TASOR: variants seen among roughly 807,000 people sequenced by gnomAD.
TASOR encodes the protein protein TASOR.
Under a neutral mutation model 178.6 loss-of-function variants are expected in TASOR, and 53 were observed. The ratio of observed to expected loss-of-function variants is 0.30; its 90% CI spans 0.24 to 0.37. The LOEUF is 0.37. Among genes scored for constraint, TASOR ranks in the 10% least tolerant of loss-of-function variants. The pLI, the probability that TASOR is intolerant of heterozygous loss-of-function variation, is 1.00. For missense variants in TASOR, 1,815 were observed against 1,971.4 expected, an observed-to-expected ratio of 0.92 and a Z score of 1.50; for synonymous variants, 713 against 696.2, an observed-to-expected ratio of 1.02 and a Z score of -0.38.
chr3:56,644,907 A>G (rs2077204195), intron 14 of TASOR, among the ~76,000 whole-genome samples: 1 of 152,244 alleles, frequency 6.6e-6, no homozygotes, highest in Non-Finnish European at 1.5e-5. Flanking sequence ...TTTTAATTTC[A>G]TTTTAATTCA....
intron 9 of TASOR, 127 bp downstream of exon 9, chr3:56,662,257 AC>A: frequency 1.6e-6 from 1 of 630,012 alleles, no homozygotes; most frequent in Non-Finnish European, 2.8e-6. Context: ...CATTTAAAAA[AC>A]AAACCAACAT....
chr3:56,677,493 T>C (rs970276164), intron 1 of TASOR, among the ~76,000 whole-genome samples: 3 of 152,194 alleles, frequency 2.0e-5, no homozygotes, highest in African/African-American at 7.2e-5. Flanking sequence ...CTGAGACAAG[T>C]AGCCTTTTGA....
In TASOR at chr3:56,642,350, G is replaced by A. The variant is rs540968527; in HGVS notation, c.2216-598C>T. ...CAAAAAGTATTATAAGAGGAAACAC[G>A]TTAAGACATGGTTTCATGCATGCAC... On this transcript the variant is annotated intron_variant, in intron 14 of 23. Transcript: ENST00000683822. Among the ~76,000 whole-genome samples the A allele has an allele frequency of 1.5e-4, 23 of 152,268 alleles. 2 individuals carry two copies. The South Asian group carries it at 4.6e-3, about 30-fold the overall frequency.
intron 1 of TASOR, among the ~76,000 whole-genome samples, chr3:56,673,929 A>C (rs2031002773): frequency 6.6e-6 from 1 of 152,194 alleles, no homozygotes; most frequent in Non-Finnish European, 1.5e-5. Context: ...CAGTTCCTTC[A>C]ACAATGAGGA....
intron 1 of TASOR, among the ~76,000 whole-genome samples, chr3:56,675,309 T>C (rs1206987512): frequency 2.6e-5 from 4 of 152,038 alleles, no homozygotes; most frequent in Non-Finnish European, 5.9e-5. Flanking sequence ...TCCAACTAGC[T>C]GGGATTACAG....
In TASOR at chr3:56,633,698, C is replaced by G; in HGVS notation, c.3093G>C (p.Lys1031Asn). 2.5e-6 allele frequency: 4 copies of G among 1,614,154 alleles called. No individual in the cohort carries two copies. The highest frequency in any genetic ancestry group is 3.4e-6 in the Non-Finnish European group (4 of 1,180,032). ...TCTTTTGCTTCAAAATCTCTTCTAT[C>G]TTCCTAGAAAAGAGATTGTACTCTC... ...VLGEYNLFSR[K>N]IEEILKQKNV... Residue 1031 changes from lysine (K) to asparagine (N), a missense_variant, in exon 18 of 24, where the codon AAG becomes AAC. This residue lies in a region of TASOR where 655 missense variants were observed against 671.1 expected (regional missense o/e 0.98). Coordinates refer to ENST00000683822, the MANE Select transcript of TASOR (RefSeq NM_001365635.2).
At chr3:56,666,754 C>T (rs1038212479) in intron 6 of TASOR, among the ~76,000 whole-genome samples, 11 of 152,082 alleles carry the variant, frequency 7.2e-5, no homozygotes, top group African/African-American at 2.7e-4. Context: ...TCAACTAAAC[C>T]AAACTATGGT....
In TASOR at chr3:56,623,377, C is replaced by G; in HGVS notation, c.4673G>C (p.Ser1558Thr). ...AAGGTAAGTCTTATCTTCTAATAAA[C>G]TGTTTTGCACATCAGGAGACGATTG... is the stretch of plus-strand genomic sequence containing the variant. ...ELQSSPDVQN[S>T]LLEDKTYLDS... The change falls in exon 24 of 24, where the codon AGT becomes ACT. Residue 1558 changes from serine to threonine, a missense_variant. This residue lies in a region of TASOR where 278 missense variants were observed against 257.1 expected (regional missense o/e 1.08). Transcript: ENST00000683822. 1 of 1,613,628 alleles carries G rather than the reference C, an allele frequency of 6.2e-7. No individual in the cohort carries two copies. The highest frequency in any genetic ancestry group is 8.5e-7 in the Non-Finnish European group (1 of 1,179,926).
chr3:56,623,056 G>A lies in TASOR; in HGVS notation c.4994C>T (p.Pro1665Leu). 1 of 1,574,200 alleles carries A rather than the reference G, an allele frequency of 6.4e-7. No individual in the cohort carries two copies. Among genetic ancestry groups the A allele is most frequent in the South Asian group, 1.2e-5 (1 of 83,202 alleles). Residue 1665 changes from proline (P) to leucine (L), a missense_variant, in exon 24 of 24, where the codon CCA (proline) becomes CTA (leucine). Physicochemically the swap from Pro to Leu is moderately conservative, Grantham distance 98. Transcript: ENST00000683822. The part of the protein sequence containing the change: ...LSWGKSDSSR[P>L]YSQEK ...CTACAGTTATTTCTCTTGTGAATAT[G>A]GCCTGGAAGAATCACTTTTCCCCCA...
intron 17 of TASOR, among the ~76,000 whole-genome samples, chr3:56,638,239 C>T (rs1357164201): frequency 3.9e-5 from 6 of 152,038 alleles, no homozygotes; most frequent in African/African-American, 1.4e-4. Flanking sequence ...GTGGCATGCG[C>T]CTGTAATCCC....
intron 1 of TASOR, among the ~76,000 whole-genome samples, chr3:56,674,634 T>C (rs1351777196): frequency 4.6e-5 from 7 of 152,210 alleles, no homozygotes. Flanking sequence ...GAGTCAAAGC[T>C]GGACACAAAT....
intron 21 of TASOR, among the ~76,000 whole-genome samples, chr3:56,626,615 C>T (rs565058016): frequency 3.3e-5 from 5 of 151,968 alleles, no homozygotes; most frequent in Admixed American, 6.6e-5. Flanking sequence ...TGGTGGCGGG[C>T]GCCTGTAATC....
At chr3:56,663,789 A>C in intron 7 of TASOR, 1 of 1,018,532 alleles carries the variant, frequency 9.8e-7, no homozygotes, top group Non-Finnish European at 1.2e-6. Flanking sequence ...TACCACATTT[A>C]CCCAAATTTA....
chr3:56,649,781 C>A lies in TASOR; in HGVS notation c.1369-724G>T, dbSNP rs79521924. Among the ~76,000 whole-genome samples the A allele has an allele frequency of 7.1e-3, 1,085 of 152,272 alleles. 13 individuals are homozygous for A. The highest frequency in any genetic ancestry group is 0.025 in the African/African-American group (1,029 of 41,562). On this transcript the variant is annotated intron_variant, in intron 11 of 23. Transcript: ENST00000683822. ...GGATTTTGAAGAATGGGTACACTGA[C>A]AAGAGCCTGAGATTGTAGGAAGGAC...
chr3:56,653,996 G>A (rs1396056467), intron 11 of TASOR, among the ~76,000 whole-genome samples: 8 of 152,160 alleles, frequency 5.3e-5, no homozygotes, highest in Non-Finnish European at 1.2e-4. Context: ...GCCAGGCTTG[G>A]TGACTCACCC....
rs1421448086 is a variant in TASOR at position 56,648,849 on chromosome 3, A to G, written c.1486T>C (p.Phe496Leu). 1 of 1,612,122 alleles carries G rather than the reference A, an allele frequency of 6.2e-7. No homozygotes were observed. Among genetic ancestry groups the G allele is most frequent in the Non-Finnish European group, 8.5e-7 (1 of 1,179,218 alleles). The change falls in exon 13 of 24, where the codon TTT becomes CTT. Residue 496 changes from phenylalanine to leucine, a missense_variant. Physicochemically the swap from Phe to Leu is conservative, Grantham distance 22. Around this residue, in one of 5 missense-constraint regions of TASOR, gnomAD observed 504 missense variants for 645.3 expected, o/e 0.78. Coordinates refer to ENST00000683822, the MANE Select transcript of TASOR (RefSeq NM_001365635.2). The stretch of plus-strand genomic sequence containing the variant: ...GTAACTATGCTTCTAGGTTCTTGAA[A>G]TAGAAACAAAGCATGTAGGACTCGA... ...KSRVLHALFLFQEPRSIVTSQ... is the reference protein window; with the variant it reads ...KSRVLHALFLLQEPRSIVTSQ...
rs76687092 is a variant in TASOR at position 56,676,193 on chromosome 3, A to G, written c.332-2468T>C. On this transcript the variant is annotated intron_variant, in intron 1 of 23. Coordinates refer to ENST00000683822, the MANE Select transcript of TASOR (RefSeq NM_001365635.2). Reference sequence around the variant, plus strand: ...TTACTCGTGTTTCCCACATCCCAGTAGCTAGACCTGTGAGTGCCAGCCCTA... The same window carrying G: ...TTACTCGTGTTTCCCACATCCCAGTGGCTAGACCTGTGAGTGCCAGCCCTA... Among the ~76,000 whole-genome samples the G allele has an allele frequency of 7.3e-3, 1,115 of 152,352 alleles. 12 individuals carry two copies. The highest frequency in any genetic ancestry group is 0.025 in the African/African-American group (1,047 of 41,582).
At position 56,670,060 on chromosome 3, in the gene TASOR, G is replaced by GA. The variant is rs767760822; in HGVS notation, c.643+12dup. Reference sequence around the variant, plus strand: ...AGTAGTAGATATTTATATTTAAAAAGAAAAAAGATTACCCATGGAAGGACT... The same window carrying GA: ...AGTAGTAGATATTTATATTTAAAAAGAAAAAAAGATTACCCATGGAAGGACT... On this transcript the variant is annotated intron_variant, in intron 4 of 23. Transcript: ENST00000683822. The GA allele has an allele frequency of 4.0e-6, 6 of 1,497,416 alleles. No individual in the cohort carries two copies. The South Asian group carries it at 6.6e-5, about 16-fold the overall frequency. The allele number at this position is 1,497,416 out of a possible 1,614,324, so 92.8% of individuals were successfully genotyped here. A position where few individuals can be genotyped will look rare whatever the true frequency, so the allele number is the denominator to read the frequency against.
At position 56,633,790 on chromosome 3, in the gene TASOR, G is replaced by T; in HGVS notation, c.3001C>A (p.Gln1001Lys). 6.2e-7 allele frequency: 1 copy of T among 1,614,146 alleles called. No homozygotes were observed. Among genetic ancestry groups the T allele is most frequent in the Non-Finnish European group, 8.5e-7 (1 of 1,180,024 alleles). ...DDVLTGQVEEQCVPAAEAEPP... is the reference protein window; with the variant it reads ...DDVLTGQVEEKCVPAAEAEPP... ...TCTGCCTCTGCTGCTGGCACACACT[G>T]CTCCTCCACCTGACCTGTCAACACG... The change falls in exon 18 of 24, where the codon CAG becomes AAG. Residue 1001 changes from glutamine (Q) to lysine (K), a missense_variant. By Grantham distance (53) the Gln-to-Lys change is moderately conservative (BLOSUM62 1). Around this residue, in one of 5 missense-constraint regions of TASOR, gnomAD observed 655 missense variants for 671.1 expected, o/e 0.98. Coordinates refer to ENST00000683822, the MANE Select transcript of TASOR (RefSeq NM_001365635.2).
Sources: allele counts gnomAD v4.1 joint callset (sites outside exome capture counted in the v4.1 genomes callset), GRCh38; gene constraint gnomAD v4.1.1; regional missense constraint gnomAD v4.1.1; transcripts MANE v1.5; gene names NCBI Gene and HGNC (gene_info 2026-07-23, HGNC 2026-07-21).